MSMB: variants seen among roughly 807,000 people sequenced by gnomAD.
MSMB encodes beta-microseminoprotein.
Under a neutral mutation model 10.5 loss-of-function variants are expected in MSMB, and 10 were observed. That is an observed-to-expected ratio of 0.95 (90% CI 0.59 to 1.62). The LOEUF (loss-of-function observed/expected upper bound fraction) is 1.62, where lower values mean the gene tolerates loss of function less well. Among genes scored for constraint, MSMB ranks in the 40% most tolerant of loss-of-function variants. The probability of loss-of-function intolerance (pLI) is 0.00; values close to 1 mark genes in which losing one functional copy is unlikely to be tolerated. For synonymous variants in MSMB, 43 were observed against 46.5 expected (o/e 0.93, Z 0.30); for missense variants, 126 against 137.4 (o/e 0.92, Z 0.42).
chr10:46,044,220 G>A (rs905171174), intron 1 of MSMB, among the ~76,000 whole-genome samples: 3 of 152,082 alleles, frequency 2.0e-5, no homozygotes, highest in Admixed American at 2.0e-4. Context: ...GCCAGAATGG[G>A]CTAGGATTTT....
intron 3 of MSMB, among the ~76,000 whole-genome samples, chr10:46,037,162 C>T (rs10994470): frequency 0.025 from 3,871 of 152,306 alleles, 79 homozygotes; most frequent in Non-Finnish European, 0.039. Context: ...AAGTCAAGTG[C>T]TTGCTTCTTT....
intron 1 of MSMB, among the ~76,000 whole-genome samples, chr10:46,045,122 C>G (rs1840863434): frequency 6.6e-6 from 1 of 152,206 alleles, no homozygotes; most frequent in Non-Finnish European, 1.5e-5. Flanking sequence ...CCTCATCTCC[C>G]TTGCAGCCCC....
At chr10:46,045,837 G>A (rs567198459) in intron 1 of MSMB, among the ~76,000 whole-genome samples, 12 of 152,220 alleles carry the variant, frequency 7.9e-5, no homozygotes, top group African/African-American at 1.9e-4. Flanking sequence ...ACAGGCTTGC[G>A]GTGAGACCCC....
At chr10:46,040,154 G>C (rs111919398) in intron 1 of MSMB, 63 bp from the exon 2 acceptor site, 3 of 1,415,880 alleles carry the variant, frequency 2.1e-6, no homozygotes, top group Non-Finnish European at 3.0e-6. Context: ...CCTTGACTGA[G>C]TGCTGTGTAC....
chr10:46,041,458 T>C (rs1840751445), intron 1 of MSMB, among the ~76,000 whole-genome samples: 2 of 152,186 alleles, frequency 1.3e-5, no homozygotes, highest in Non-Finnish European at 2.9e-5. Flanking sequence ...TAAAATTAAT[T>C]ATGAAGTGAC....
At chr10:46,043,712 T>C (rs1364954422) in intron 1 of MSMB, among the ~76,000 whole-genome samples, 2 of 152,150 alleles carry the variant, frequency 1.3e-5, no homozygotes, top group Admixed American at 6.5e-5. Flanking sequence ...TCTCGTTCTA[T>C]CGCCTAGAGT....
chr10:46,034,652 C>T (rs933675652), intron 3 of MSMB, among the ~76,000 whole-genome samples: 10 of 151,470 alleles, frequency 6.6e-5, no homozygotes, highest in East Asian at 5.9e-4. Context: ...GGTGAAACCC[C>T]GTCTCCACTA....
chr10:46,033,452 CT>C lies in MSMB; in HGVS notation c.314del (p.Lys105ArgfsTer9). 1.2e-6 allele frequency: 2 copies of C among 1,613,908 alleles called. No individual in the cohort carries two copies. The highest frequency in any genetic ancestry group is 2.2e-5 in the East Asian group (1 of 44,880). Reference sequence around the variant, plus strand: ...TTATCCATTCACTGACAGAACAGGTCTTTTTTGGGTCCTTCTTCTCCACCAC... The same window carrying C: ...TTATCCATTCACTGACAGAACAGGTCTTTTTGGGTCCTTCTTCTCCACCAC... Reference protein sequence around the residue: ...YIVVEKKDPKKTCSVSEWII With the variant: ...YIVVEKKDPKXTCSVSEWII On this transcript the variant is annotated frameshift_variant, in exon 4 of 4. Transcript: ENST00000582163. LOFTEE classifies it low-confidence loss of function (END_TRUNC).
intron 1 of MSMB, among the ~76,000 whole-genome samples, chr10:46,041,702 A>C (rs572668281): frequency 6.6e-6 from 1 of 152,014 alleles, no homozygotes; most frequent in South Asian, 2.1e-4. Flanking sequence ...GCTGAGGTGG[A>C]GAATCACTTG....
At chr10:46,044,456 G>C (rs1554929129) in intron 1 of MSMB, among the ~76,000 whole-genome samples, 1 of 150,614 alleles carries the variant, frequency 6.6e-6, no homozygotes, top group Non-Finnish European at 1.5e-5. Flanking sequence ...GGCGCCTGTA[G>C]TCCCAGCTAC....
At chr10:46,044,628 T>C (rs1342213678) in intron 1 of MSMB, among the ~76,000 whole-genome samples, 9 of 140,286 alleles carry the variant, frequency 6.4e-5, no homozygotes, top group African/African-American at 2.4e-4. Context: ...GGTAAATTAC[T>C]GCTCCTGGAA....
At position 46,039,028 on chromosome 10, in the gene MSMB, C is replaced by T. The variant is rs782181735; in HGVS notation, c.153G>A (p.Glu51=). 2.5e-6 allele frequency: 4 copies of T among 1,614,132 alleles called. 1 individual carries two copies. Among genetic ancestry groups the T allele is most frequent in the Middle Eastern group, 3.3e-4 (2 of 6,062 alleles). ...ATGTCTCACAGTTGTCAGTCTGCCA[C>T]TCCGAGTTTATTGGGTGTTTGTTTC... ...LKGNKHPINS[E]WQTDNCETCT... The change falls in exon 3 of 4, where the codon GAG becomes GAA. Residue 51 remains glutamate (E), a synonymous_variant. Coordinates refer to ENST00000582163, the MANE Select transcript of MSMB (RefSeq NM_002443.4).
chr10:46,040,782 G>A (rs558361753), intron 1 of MSMB, among the ~76,000 whole-genome samples: 14 of 152,034 alleles, frequency 9.2e-5, no homozygotes, highest in Non-Finnish European at 1.8e-4. Context: ...GTGAAACCCC[G>A]TCTCTACTAA....
At chr10:46,042,594 G>C (rs1400865832) in intron 1 of MSMB, among the ~76,000 whole-genome samples, 1 of 152,288 alleles carries the variant, frequency 6.6e-6, no homozygotes, top group East Asian at 1.9e-4. Flanking sequence ...CACAGAGACA[G>C]AGACAGAGAC....
In MSMB at chr10:46,046,242, A is replaced by G; in HGVS notation, c.-5T>C. 6.2e-7 allele frequency: 1 copy of G among 1,612,362 alleles called. No individual in the cohort carries two copies. The highest frequency in any genetic ancestry group is 8.5e-7 in the Non-Finnish European group (1 of 1,178,322). ...ATAAAACCAGTTACCTACCATTGTG[A>G]TAAGCAGGACTCCTTATAGACAGGT... On this transcript the variant is annotated 5_prime_UTR_variant, in exon 1 of 4. Coordinates refer to ENST00000582163, the MANE Select transcript of MSMB (RefSeq NM_002443.4).
intron 3 of MSMB, among the ~76,000 whole-genome samples, chr10:46,036,009 C>CAGAG: frequency 6.6e-6 from 1 of 152,008 alleles, no homozygotes; most frequent in Admixed American, 6.5e-5. Flanking sequence ...GAGGAAACAG[C>CAGAG]AGAGAGAGAG....
chr10:46,045,046 G>A (rs1564937978), intron 1 of MSMB, among the ~76,000 whole-genome samples: 1 of 152,018 alleles, frequency 6.6e-6, no homozygotes, highest in Admixed American at 6.6e-5. Context: ...GAGGAGGCCC[G>A]GGGTCCCCTC....
At chr10:46,043,096 C>G (rs1840789537) in intron 1 of MSMB, among the ~76,000 whole-genome samples, 1 of 152,110 alleles carries the variant, frequency 6.6e-6, no homozygotes, top group African/African-American at 2.4e-5. Flanking sequence ...AAAAAGCCAG[C>G]CTTGTTGACA....
intron 3 of MSMB, among the ~76,000 whole-genome samples, chr10:46,035,338 T>C (rs1029889461): frequency 2.0e-5 from 3 of 152,216 alleles, no homozygotes; most frequent in Non-Finnish European, 4.4e-5. Context: ...TGTTTGTATA[T>C]TGACAAACAC....
Sources: gnomAD v4.1 joint callset for allele counts (sites outside exome capture counted in the v4.1 genomes callset) on GRCh38, gnomAD v4.1.1 for gene constraint, MANE v1.5 for transcripts, NCBI Gene and HGNC (gene_info 2026-07-23, HGNC 2026-07-21) for gene names.